The following GPHN variants were observed in gnomAD, a reference collection of about 807,000 sequenced individuals.
GPHN encodes the protein gephyrin.
Under a neutral mutation model 95.5 loss-of-function variants are expected in GPHN, and 17 were observed. The observed-to-expected ratio is 0.18, with a 90% confidence interval of 0.12 to 0.27. The LOEUF is 0.27. GPHN is among the 10% of genes least tolerant of loss of function. The pLI, the probability that GPHN is intolerant of heterozygous loss-of-function variation, is 1.00. For missense variants in GPHN, 660 were observed against 978.1 expected, an observed-to-expected ratio of 0.67 and a Z score of 4.34; for synonymous variants, 320 against 322.5, an observed-to-expected ratio of 0.99 and a Z score of 0.08.
At chr14:66,814,648 A>G (rs987976149) in intron 3 of GPHN, among the ~76,000 whole-genome samples, 3 of 152,148 alleles carry the variant, frequency 2.0e-5, no homozygotes, top group Non-Finnish European at 4.4e-5. Context: ...AGGATAAAAG[A>G]AAAAAAATCC....
the GPHN span, chr14:67,312,508 TG>T: frequency 3.3e-6 from 5 of 1,501,602 alleles, no homozygotes; most frequent in East Asian, 1.2e-4. Context: ...TTGTTGTTTT[TG>T]CCCTTTTTAT....
At chr14:67,025,296 G>T (rs1025393357) in intron 10 of GPHN, among the ~76,000 whole-genome samples, 5 of 151,952 alleles carry the variant, frequency 3.3e-5, no homozygotes, top group African/African-American at 1.2e-4. Flanking sequence ...CTCTGTAAGG[G>T]GTACGTTCAT....
At chr14:67,062,062 T>A (rs2075846565) in intron 11 of GPHN, among the ~76,000 whole-genome samples, 1 of 152,124 alleles carries the variant, frequency 6.6e-6, no homozygotes, top group South Asian at 2.1e-4. Context: ...TAATTTTAAA[T>A]GCCCTAATAA....
chr14:67,174,162 T>C (rs2082766506), intron 21 of GPHN, among the ~76,000 whole-genome samples: 1 of 152,212 alleles, frequency 6.6e-6, no homozygotes, highest in East Asian at 1.9e-4. Context: ...CATGTTGGTT[T>C]CCTGCACCCA....
chr14:67,734,131 T>G, the GPHN span: 12 of 341,240 alleles, frequency 3.5e-5, no homozygotes, highest in South Asian at 3.2e-4. Context: ...AGGCTGGGCA[T>G]GGGGGTGGCA....
chr14:66,760,602 A>G (rs1374686365), intron 2 of GPHN: 3 of 389,260 alleles, frequency 7.7e-6, no homozygotes, highest in Non-Finnish European at 9.9e-6. Context: ...TTCATCCACA[A>G]TGATTGCAAG....
chr14:67,686,608 C>T, the GPHN span, among the ~76,000 whole-genome samples: 1 of 138,868 alleles, frequency 7.2e-6, no homozygotes, highest in Non-Finnish European at 1.5e-5. Context: ...CACTGCACTC[C>T]AGCCTGGGCG....
the GPHN span, chr14:67,350,511 C>T: frequency 9.0e-6 from 9 of 994,786 alleles, no homozygotes; most frequent in Non-Finnish European, 1.4e-5. Context: ...TATCATTTGT[C>T]CTTAACGCTT....
chr14:66,822,272 A>G (rs1206715877), intron 3 of GPHN, among the ~76,000 whole-genome samples: 1 of 152,124 alleles, frequency 6.6e-6, no homozygotes, highest in Non-Finnish European at 1.5e-5. Context: ...ACTGTATGAA[A>G]TCTTTTTGGG....
intron 1 of GPHN, among the ~76,000 whole-genome samples, chr14:66,643,208 T>C (rs1023980818): frequency 1.3e-5 from 2 of 152,050 alleles, no homozygotes; most frequent in African/African-American, 4.8e-5. Context: ...CAGCAAAATA[T>C]TTCTACACAC....
At chr14:67,027,634 T>G (rs898871747) in intron 10 of GPHN, among the ~76,000 whole-genome samples, 2 of 152,200 alleles carry the variant, frequency 1.3e-5, no homozygotes, top group Non-Finnish European at 2.9e-5. Flanking sequence ...CAGCCTTAAT[T>G]GTTTTCTTGA....
the GPHN span, chr14:67,384,836 A>T: frequency 6.6e-6 from 1 of 152,178 alleles, no homozygotes; most frequent in Admixed American, 6.5e-5. Flanking sequence ...TGTAGAGGAG[A>T]ACCTGGATGT....
the GPHN span, among the ~76,000 whole-genome samples, chr14:67,507,884 G>A: frequency 6.6e-6 from 1 of 152,144 alleles, no homozygotes; most frequent in Non-Finnish European, 1.5e-5. Flanking sequence ...CACGCCTGTA[G>A]TCCCAGCACT....
At chr14:66,723,833 A>C (rs2070977554) in intron 2 of GPHN, among the ~76,000 whole-genome samples, 1 of 152,118 alleles carries the variant, frequency 6.6e-6, no homozygotes, top group African/African-American at 2.4e-5. Flanking sequence ...CATGAACCTA[A>C]AATAATTAGG....
intron 1 of GPHN, among the ~76,000 whole-genome samples, chr14:66,643,595 CTT>C (rs1283514370): frequency 6.6e-6 from 1 of 151,924 alleles, no homozygotes; most frequent in Non-Finnish European, 1.5e-5. Flanking sequence ...ATCTCATAAA[CTT>C]AATGTTCTGC....
At chr14:66,819,857 G>A (rs1228091939) in intron 3 of GPHN, among the ~76,000 whole-genome samples, 8 of 152,002 alleles carry the variant, frequency 5.3e-5, no homozygotes, top group South Asian at 4.1e-4. Flanking sequence ...AAGAATGTAT[G>A]GATGTTTAAA....
the GPHN span, among the ~76,000 whole-genome samples, chr14:67,713,490 G>A: frequency 5.3e-5 from 8 of 151,846 alleles, no homozygotes; most frequent in East Asian, 1.9e-4. Context: ...GGATTCTCTG[G>A]AGGGGATATT....
the GPHN span, among the ~76,000 whole-genome samples, chr14:67,283,223 TAGA>T: frequency 6.6e-6 from 1 of 152,176 alleles, no homozygotes; most frequent in South Asian, 2.1e-4. Context: ...AATATTTTCA[TAGA>T]ATTAATAGCA....
At chr14:67,527,981 C>T in the GPHN span, among the ~76,000 whole-genome samples, 9 of 152,170 alleles carry the variant, frequency 5.9e-5, no homozygotes, top group Non-Finnish European at 1.3e-4. Flanking sequence ...GCCACCTACT[C>T]CTCCACGCTC....
Sources: gnomAD v4.1 joint callset for allele counts (sites outside exome capture counted in the v4.1 genomes callset) on GRCh38, gnomAD v4.1.1 for gene constraint, MANE v1.5 for transcripts, NCBI Gene and HGNC (gene_info 2026-07-23, HGNC 2026-07-21) for gene names.